Variants in ADK observed in about 807,000 individuals in gnomAD.
The protein encoded by ADK is adenosine kinase.
ADK carries 24 observed loss-of-function variants against 44.7 expected under a neutral mutation model. The observed-to-expected ratio is 0.54, with a 90% CI of 0.39 to 0.76. ADK has a LOEUF of 0.76. Among genes scored for constraint, ADK ranks in the 30% least tolerant of loss-of-function variants. The pLI, the probability that ADK is intolerant of heterozygous loss-of-function variation, is 0.00. For missense variants in ADK, 321 were observed against 425.1 expected, an observed-to-expected ratio of 0.76 and a Z score of 2.15; for synonymous variants, 128 against 142.6, an observed-to-expected ratio of 0.90 and a Z score of 0.73.
chr10:74,351,517 A>T (rs1048415248), intron 4 of ADK, among the ~76,000 whole-genome samples: 1 of 152,208 alleles, frequency 6.6e-6, no homozygotes, highest in Non-Finnish European at 1.5e-5. Flanking sequence ...ACAGACAAGG[A>T]TGCCCTCTCT....
chr10:74,202,069 A>C (rs1177503395), intron 2 of ADK, among the ~76,000 whole-genome samples: 1 of 152,126 alleles, frequency 6.6e-6, no homozygotes, highest in East Asian at 1.9e-4. Context: ...GAAATCCCAT[A>C]CCCAGTAAGT....
In ADK at chr10:74,474,320, C is replaced by A. The variant is rs1846728406; in HGVS notation, c.556-50936C>A. ...GCCTCACTGTGTTACCGAGCCTAGT[C>A]TCAAATGCCTGAACTCAAGTGATCT... On this transcript the variant is annotated intron_variant, in intron 6 of 10. Transcript: ENST00000539909. Among the ~76,000 whole-genome samples, 3 of 152,270 alleles carry A rather than the reference C, an allele frequency of 2.0e-5. No individual in the cohort carries two copies. The South Asian group carries it at 6.2e-4, about 32-fold the overall frequency.
chr10:74,443,646 A>G (rs1451725732), intron 6 of ADK, among the ~76,000 whole-genome samples: 1 of 152,178 alleles, frequency 6.6e-6, no homozygotes, highest in Non-Finnish European at 1.5e-5. Context: ...CTCCGTCAAT[A>G]TACTAAAAAT....
chr10:74,708,309 C>G lies in ADK; in HGVS notation c.965-12C>G. On this transcript the variant is annotated splice_polypyrimidine_tract_variant and intron_variant, in intron 10 of 10. Transcript: ENST00000539909. ...TACAATACTCATGTGTTTTTTTTTG[C>G]CTGTGTTCTAGGTTTTCTGTCTCAA... 6.2e-7 allele frequency: 1 copy of G among 1,605,400 alleles called. No homozygotes were observed. Among genetic ancestry groups the G allele is most frequent in the East Asian group, 2.2e-5 (1 of 44,698 alleles).
intron 3 of ADK, among the ~76,000 whole-genome samples, chr10:74,238,600 G>C (rs1165760899): frequency 1.3e-5 from 2 of 152,150 alleles, no homozygotes; most frequent in African/African-American, 4.8e-5. Flanking sequence ...GTGTAAAATT[G>C]AGTGAATATA....
chr10:74,280,755 G>A (rs1397986670), intron 3 of ADK, among the ~76,000 whole-genome samples: 1 of 152,092 alleles, frequency 6.6e-6, no homozygotes, highest in Non-Finnish European at 1.5e-5. Flanking sequence ...CCAAAATTTT[G>A]TCACCATTAT....
rs539654440 is a variant in ADK, at chr10:74,522,137, A to G, written c.556-3119A>G. Among the ~76,000 whole-genome samples the G allele has an allele frequency of 4.6e-5, 7 of 152,334 alleles. No individual in the cohort carries two copies. The South Asian group carries it at 1.4e-3, about 32-fold the overall frequency. On this transcript the variant is annotated intron_variant, in intron 6 of 10. Transcript: ENST00000539909. ...AATTTATTTAACAAAGTTTTACATG[A>G]CACAGGAGCCTTCAGAAATTAAGAC...
chr10:74,216,355 TA>T (rs1337222390), intron 2 of ADK, among the ~76,000 whole-genome samples: 3 of 152,286 alleles, frequency 2.0e-5, no homozygotes, highest in Non-Finnish European at 2.9e-5. Flanking sequence ...TTTTATTTAT[TA>T]AAAAAATTTT....
chr10:74,349,900 C>G (rs1841908836), intron 4 of ADK, among the ~76,000 whole-genome samples: 1 of 152,142 alleles, frequency 6.6e-6, no homozygotes, highest in Admixed American at 6.5e-5. Context: ...CAGGAGCACC[C>G]AGATTCATAA....
At chr10:74,412,841 T>C (rs972245381) in intron 6 of ADK, among the ~76,000 whole-genome samples, 3 of 152,160 alleles carry the variant, frequency 2.0e-5, no homozygotes, top group African/African-American at 7.2e-5. Context: ...GAGGATCACC[T>C]GAGGTCAGGA....
intron 10 of ADK, among the ~76,000 whole-genome samples, chr10:74,694,697 G>A (rs189260115): frequency 6.6e-6 from 1 of 152,198 alleles, no homozygotes; most frequent in African/African-American, 2.4e-5. Context: ...GCCAGGGTTG[G>A]TCTCAAACTC....
In ADK at chr10:74,567,679, CTGTTTTTTT is replaced by C. The variant is rs1358334021; in HGVS notation, c.727-21583_727-21575del. ...CCCATTTCTTTTGTTCTCTCTCTCT[CTGTTTTTTT>C]TGTTTTTTTTGTTTTTTTTTTTTTT... On this transcript the variant is annotated intron_variant, in intron 7 of 10. Transcript: ENST00000539909. Among the ~76,000 whole-genome samples, 282 of 146,332 alleles carry C rather than the reference CTGTTTTTTT, an allele frequency of 1.9e-3. 1 individual carries two copies. The highest frequency in any genetic ancestry group is 5.8e-3 in the African/African-American group (223 of 38,256).
Position 74,670,180 on chromosome 10 carries a change from C to T in ADK, c.878-3C>T. ...TTCTGCCTTTCTTTGGCTCTAATTG[C>T]AGAAAGTGAAGTCACTGCTTTTGCT... On this transcript the variant is annotated splice_region_variant and splice_polypyrimidine_tract_variant and intron_variant, in intron 9 of 10. Transcript: ENST00000539909. 1 of 1,613,080 alleles carries T rather than the reference C, an allele frequency of 6.2e-7. No individual in the cohort carries two copies.
chr10:74,308,725 CT>C (rs1840336578), intron 3 of ADK, among the ~76,000 whole-genome samples: 2 of 152,146 alleles, frequency 1.3e-5, no homozygotes, highest in Non-Finnish European at 2.9e-5. Context: ...ATGTCCTATT[CT>C]TCATACATCA....
chr10:74,626,552 C>A (rs977721433), intron 9 of ADK, among the ~76,000 whole-genome samples: 3 of 152,136 alleles, frequency 2.0e-5, no homozygotes, highest in African/African-American at 7.2e-5. Context: ...ATCCACCTGC[C>A]TCAGCCTCCC....
At chr10:74,596,655 C>T (rs958897584) in intron 8 of ADK, among the ~76,000 whole-genome samples, 1 of 152,106 alleles carries the variant, frequency 6.6e-6, no homozygotes, top group African/African-American at 2.4e-5. Context: ...AAGCCATCCT[C>T]CCACCTCAGC....
intron 7 of ADK, among the ~76,000 whole-genome samples, chr10:74,562,340 A>G (rs1850493753): frequency 2.0e-5 from 3 of 152,168 alleles, no homozygotes; most frequent in Admixed American, 2.0e-4. Context: ...TGGGGAAGGA[A>G]AGAGATGATG....
intron 4 of ADK, among the ~76,000 whole-genome samples, chr10:74,320,941 A>G (rs986826457): frequency 2.6e-5 from 4 of 152,176 alleles, no homozygotes; most frequent in South Asian, 2.1e-4. Flanking sequence ...TCTTTCATTC[A>G]TGCTTCCCAG....
chr10:74,239,709 T>G (rs1845121534), intron 3 of ADK, among the ~76,000 whole-genome samples: 1 of 96,370 alleles, frequency 1.0e-5, no homozygotes, highest in Non-Finnish European at 2.1e-5. Context: ...AAGTGAGACC[T>G]TGTCTCAAAA....
Sources: gnomAD v4.1 joint callset for allele counts (sites outside exome capture counted in the v4.1 genomes callset) on GRCh38, gnomAD v4.1.1 for gene constraint, MANE v1.5 for transcripts, NCBI Gene and HGNC (gene_info 2026-07-23, HGNC 2026-07-21) for gene names.